Variants in TRAPPC8 observed in about 807,000 individuals in gnomAD.
TRAPPC8 encodes the protein general sporulation gene 1 homolog.
In TRAPPC8, 54 loss-of-function variants were observed where a neutral mutation model predicts 174.3. That is an observed-to-expected ratio of 0.31 (90% confidence interval 0.25 to 0.39). The LOEUF is 0.39. Ranked by LOEUF, TRAPPC8 falls within the 10% of genes least tolerant of loss-of-function variation. The pLI, the probability that TRAPPC8 is intolerant of heterozygous loss-of-function variation, is 1.00. For missense variants in TRAPPC8, 1,531 were observed against 1,699.1 expected (o/e 0.90, Z 1.74); for synonymous variants, 630 against 579.9 (o/e 1.09, Z -1.24).
intron 26 of TRAPPC8, among the ~76,000 whole-genome samples, chr18:31,841,258 G>C (rs774841259): frequency 6.6e-6 from 1 of 151,908 alleles, no homozygotes; most frequent in East Asian, 1.9e-4. Context: ...ACCAGAATTT[G>C]CTTTCTCATT....
intron 1 of TRAPPC8, among the ~76,000 whole-genome samples, chr18:31,935,530 A>G (rs560897510): frequency 4.5e-4 from 61 of 136,456 alleles, no homozygotes; most frequent in African/African-American, 1.7e-3. Flanking sequence ...CCTGGGCAAC[A>G]AGAGCGAAAC....
Position 31,908,864 on chromosome 18 carries a change from C to T in TRAPPC8, c.1012G>A (p.Ala338Thr). ...KKGNTGIIHG[A>T]CLTLTDHDRI... ...TCATGATCAGTAAGTGTTAAACATG[C>T]ACCATGAATTATTCCAGTATTTCCT... The change falls in exon 7 of 29, where the codon GCA (alanine) becomes ACA (threonine). Residue 338 changes from alanine (A) to threonine (T), a missense_variant. Coordinates refer to ENST00000283351, the MANE Select transcript of TRAPPC8 (RefSeq NM_014939.5). The T allele has an allele frequency of 1.2e-6, 2 of 1,613,792 alleles. No individual in the cohort carries two copies.
intron 19 of TRAPPC8, among the ~76,000 whole-genome samples, chr18:31,863,300 G>A (rs2034425675): frequency 6.6e-6 from 1 of 152,106 alleles, no homozygotes; most frequent in Non-Finnish European, 1.5e-5. Flanking sequence ...TTTTGCTGAA[G>A]GTTATTTTGT....
intron 12 of TRAPPC8, among the ~76,000 whole-genome samples, chr18:31,887,865 G>C (rs1408726133): frequency 6.6e-6 from 1 of 152,020 alleles, no homozygotes; most frequent in Non-Finnish European, 1.5e-5. Context: ...TCAAGCAAGA[G>C]AAAGAAATAA....
At chr18:31,929,214 C>CCAG (rs2037751250) in intron 2 of TRAPPC8, among the ~76,000 whole-genome samples, 1 of 148,412 alleles carries the variant, frequency 6.7e-6, no homozygotes, top group Non-Finnish European at 1.5e-5. Flanking sequence ...AGAAAAGAAT[C>CCAG]CAGCCAAACT....
intron 2 of TRAPPC8, among the ~76,000 whole-genome samples, chr18:31,923,748 TA>T (rs3980939): frequency 1.3e-3 from 180 of 141,272 alleles, no homozygotes; most frequent in Middle Eastern, 7.0e-3. Flanking sequence ...GGAAAGAAGC[TA>T]AAAAAAAAAA....
At chr18:31,934,135 C>A (rs941517991) in intron 1 of TRAPPC8, among the ~76,000 whole-genome samples, 21 of 151,824 alleles carry the variant, frequency 1.4e-4, no homozygotes, top group Admixed American at 4.6e-4. Context: ...TTGCAGTGAG[C>A]CAAGATTGCG....
chr18:31,903,383 T>C (rs2036528250), intron 9 of TRAPPC8, among the ~76,000 whole-genome samples: 2 of 152,198 alleles, frequency 1.3e-5, no homozygotes, highest in Non-Finnish European at 2.9e-5. Context: ...CCATTCAATA[T>C]ATAAATGAGA....
chr18:31,834,935 T>C (rs2144924475), intron 27 of TRAPPC8, among the ~76,000 whole-genome samples: 1 of 152,338 alleles, frequency 6.6e-6, no homozygotes, highest in East Asian at 1.9e-4. Context: ...TTTCTACATC[T>C]ATCTTTAACT....
chr18:31,901,874 A>C (rs2036442434), intron 9 of TRAPPC8, among the ~76,000 whole-genome samples: 1 of 152,168 alleles, frequency 6.6e-6, no homozygotes, highest in Non-Finnish European at 1.5e-5. Flanking sequence ...CTTATGGGTG[A>C]ATGTTTGGTC....
intron 20 of TRAPPC8, among the ~76,000 whole-genome samples, chr18:31,856,480 C>A (rs1055119853): frequency 4.6e-5 from 7 of 151,968 alleles, no homozygotes; most frequent in Admixed American, 6.6e-5. Context: ...CCCACCTCAG[C>A]CTCCCAAAGT....
At chr18:31,926,721 G>T (rs1456105721) in intron 2 of TRAPPC8, 2 of 151,992 alleles carry the variant, frequency 1.3e-5, no homozygotes, top group African/African-American at 4.8e-5. Flanking sequence ...GCCACCACAA[G>T]ATGTTTTTAA....
chr18:31,874,563 A>G lies in TRAPPC8; in HGVS notation c.1870T>C (p.Phe624Leu). Residue 624 changes from phenylalanine (F) to leucine (L), a missense_variant, in exon 13 of 29, where the codon TTT becomes CTT. Phe to Leu is a conservative substitution (Grantham distance 22, BLOSUM62 0). Transcript: ENST00000283351. ...LRQLDNAVSA[F>L]RHILINESKQ... ...CTTTCATTAATTAGAATATGCCTAA[A>G]AGCAGACACAGCATTATCCAGCTGT... The G allele has an allele frequency of 6.2e-7, 1 of 1,614,132 alleles. No homozygotes were observed. Among genetic ancestry groups the G allele is most frequent in the Non-Finnish European group, 8.5e-7 (1 of 1,180,000 alleles).
intron 9 of TRAPPC8, among the ~76,000 whole-genome samples, chr18:31,904,879 A>G (rs1598713648): frequency 6.6e-6 from 1 of 151,920 alleles, no homozygotes; most frequent in Non-Finnish European, 1.5e-5. Context: ...AAAATTCAAA[A>G]ATCAGCTGGC....
At chr18:31,893,044 A>T (rs961794733) in intron 11 of TRAPPC8, among the ~76,000 whole-genome samples, 2 of 151,144 alleles carry the variant, frequency 1.3e-5, no homozygotes, top group African/African-American at 2.4e-5. Flanking sequence ...AAAAAAAACA[A>T]CATCTTGTTC....
intron 18 of TRAPPC8, among the ~76,000 whole-genome samples, chr18:31,865,891 G>A (rs889237309): frequency 6.6e-6 from 1 of 151,618 alleles, no homozygotes; most frequent in African/African-American, 2.4e-5. Flanking sequence ...GTACTAAAAT[G>A]CAGAATACCT....
At chr18:31,928,518 T>C (rs559933955) in intron 2 of TRAPPC8, among the ~76,000 whole-genome samples, 127 of 152,146 alleles carry the variant, frequency 8.3e-4, no homozygotes, top group African/African-American at 3.0e-3. Flanking sequence ...AGTAAGACCC[T>C]GTCTCTTAAA....
In TRAPPC8 at chr18:31,891,402, G is replaced by A. The variant is rs994897349; in HGVS notation, c.1597-536C>T. On this transcript the variant is annotated intron_variant, in intron 11 of 28. Transcript: ENST00000283351. ...TGCTATAATTCTAGAGGGCCAAATC[G>A]ACTGCATTTCATTAAAAAGTTCACA... Among the ~76,000 whole-genome samples, 7 of 152,136 alleles carry A rather than the reference G, an allele frequency of 4.6e-5. No homozygotes were observed. The East Asian group carries it at 5.8e-4, about 13-fold the overall frequency.
chr18:31,857,433 G>T, intron 20 of TRAPPC8, 107 bp downstream of exon 20: 1 of 966,750 alleles, frequency 1.0e-6, no homozygotes. Flanking sequence ...GCATAATCTG[G>T]AACAGAGTAA....
Sources: allele counts gnomAD v4.1 joint callset (sites outside exome capture counted in the v4.1 genomes callset), GRCh38; gene constraint gnomAD v4.1.1; transcripts MANE v1.5; gene names NCBI Gene and HGNC (gene_info 2026-07-23, HGNC 2026-07-21).